Variants in GCAT observed in about 807,000 individuals in gnomAD.
GCAT encodes the protein glycine C-acetyltransferase.
In GCAT, 26 loss-of-function variants were observed where a neutral mutation model predicts 39.7. The observed-to-expected ratio is 0.65, with a 90% CI of 0.48 to 0.91. The LOEUF (loss-of-function observed/expected upper bound fraction) is 0.91, where lower values mean the gene tolerates loss of function less well. GCAT is among the 40% of genes least tolerant of loss of function. The pLI, the probability that GCAT is intolerant of heterozygous loss-of-function variation, is 0.00. For missense variants in GCAT, 550 were observed against 576.2 expected, an observed-to-expected ratio of 0.95 and a Z score of 0.47; for synonymous variants, 218 against 237.2, an observed-to-expected ratio of 0.92 and a Z score of 0.74.
Position 37,816,852 on chromosome 22 carries a change from T to C in GCAT, c.*134T>C. ...AGCTGGGCTGGGACGTGACCTGTGC[T>C]GAGGGCTGTGAGAATGTGAAACAAC... On this transcript the variant is annotated 3_prime_UTR_variant, in exon 9 of 9. Coordinates refer to ENST00000248924, the MANE Select transcript of GCAT (RefSeq NM_014291.4). 2 of 759,734 alleles carry C rather than the reference T, an allele frequency of 2.6e-6. No individual in the cohort carries two copies. Among genetic ancestry groups the C allele is most frequent in the Non-Finnish European group, 4.2e-6 (2 of 471,440 alleles). The allele number at this position is 759,734 out of a possible 1,614,324, so 47.1% of individuals were successfully genotyped here. A position where few individuals can be genotyped will look rare whatever the true frequency, so the allele number is the denominator to read the frequency against.
intron 2 of GCAT, among the ~76,000 whole-genome samples, chr22:37,810,794 C>A (rs904871766): frequency 6.6e-6 from 1 of 152,006 alleles, no homozygotes; most frequent in Non-Finnish European, 1.5e-5. Flanking sequence ...GGATTACAGG[C>A]GTGAGCCACC....
In GCAT at chr22:37,813,682, C is replaced by T. The variant is rs1921862565; in HGVS notation, c.576+73C>T. The stretch of plus-strand genomic sequence containing the variant: ...GTGAGGCTTAGAGAGGCCAACTCCT[C>T]ACTCACAGAGATAGCCTGAAAGTTT... On this transcript the variant is annotated intron_variant, in intron 4 of 8. Coordinates refer to ENST00000248924, the MANE Select transcript of GCAT (RefSeq NM_014291.4). 2.9e-6 allele frequency: 4 copies of T among 1,378,440 alleles called. No individual in the cohort carries two copies. The African/African-American group carries it at 4.3e-5, about 15-fold the overall frequency. 85.4% of individuals were successfully genotyped at this position (1,378,440 alleles called of 1,614,324 possible). A position where few individuals can be genotyped will look rare whatever the true frequency, so the allele number is the denominator to read the frequency against.
intron 3 of GCAT, 52 bp downstream of exon 3, chr22:37,813,040 G>A (rs770575166): frequency 7.9e-7 from 1 of 1,268,492 alleles, no homozygotes; most frequent in Non-Finnish European, 1.2e-6. Context: ...GTTAGGCTGA[G>A]GAAGGCTTGG....
Position 37,816,322 on chromosome 22 carries a change from G to C in GCAT, c.1108+1G>C. The C allele has an allele frequency of 6.2e-7, 1 of 1,610,204 alleles. No individual in the cohort carries two copies. The highest frequency in any genetic ancestry group is 8.5e-7 in the Non-Finnish European group (1 of 1,179,926). ...ATGGCGGATGACATGCTGAAGAGAG[G>C]TAAGGGTGCTGAGACAAGGGAACTG... On this transcript the variant is annotated splice_donor_variant, in intron 8 of 8. Coordinates refer to ENST00000248924, the MANE Select transcript of GCAT (RefSeq NM_014291.4). LOFTEE classifies it high-confidence loss of function.
chr22:37,814,016 C>G (rs538447144), intron 4 of GCAT, among the ~76,000 whole-genome samples: 47 of 151,842 alleles, frequency 3.1e-4, no homozygotes, highest in Non-Finnish European at 6.0e-4. Flanking sequence ...TTTCACCCAC[C>G]TAGGCCTCCC....
Position 37,816,636 on chromosome 22 carries a change from C to T in GCAT, c.1178C>T (p.Ser393Leu). 6.2e-7 allele frequency: 1 copy of T among 1,614,202 alleles called. No individual in the cohort carries two copies. The highest frequency in any genetic ancestry group is 1.1e-5 in the South Asian group (1 of 91,090). ...AAGGCCCGGATCCGGGTACAGATCT[C>T]AGCAGTGCATAGCGAGGAAGACATT... ...KGKARIRVQI[S>L]AVHSEEDIDR... The change falls in exon 9 of 9, where the codon TCA becomes TTA. Residue 393 changes from serine to leucine, a missense_variant. Ser to Leu is a moderately radical substitution (Grantham distance 145, BLOSUM62 -2). Transcript: ENST00000248924.
intron 7 of GCAT, 153 bp downstream of exon 7, chr22:37,815,987 C>T (rs146992872): frequency 3.6e-5 from 17 of 466,978 alleles, no homozygotes; most frequent in Non-Finnish European, 4.2e-5. Flanking sequence ...TCCCCTCTAG[C>T]TTCTGTGTCT....
chr22:37,808,215 G>T, intron 1 of GCAT, 52 bp downstream of exon 1: 3 of 1,376,490 alleles, frequency 2.2e-6, no homozygotes, highest in Non-Finnish European at 2.9e-6. Flanking sequence ...GCTTGCGCTG[G>T]AATGGAGGTC....
Position 37,807,952 on chromosome 22 carries a change from G to C in GCAT, c.-16G>C, listed in dbSNP as rs1161857153. On this transcript the variant is annotated 5_prime_UTR_variant, in exon 1 of 9. Transcript: ENST00000248924. Reference sequence around the variant, plus strand: ...GGCTCCCAGGCAGGCAGGCGCGCTCGGGCGAGGTAGGAGCGATGTGGCCTG... The same window carrying C: ...GGCTCCCAGGCAGGCAGGCGCGCTCCGGCGAGGTAGGAGCGATGTGGCCTG... 7.4e-6 allele frequency: 11 copies of C among 1,478,010 alleles called. No homozygotes were observed. The East Asian group carries it at 1.4e-4, about 19-fold the overall frequency. 91.6% of individuals were successfully genotyped at this position (1,478,010 alleles called of 1,614,324 possible). A position where few individuals can be genotyped will look rare whatever the true frequency, so the allele number is the denominator to read the frequency against.
At chr22:37,815,325 G>A (rs376344528) in intron 5 of GCAT, 45 bp downstream of exon 5, 1 of 1,605,020 alleles carries the variant, frequency 6.2e-7, no homozygotes, top group Non-Finnish European at 8.5e-7. Context: ...GCTTCTGAGG[G>A]TGGCTGGGAA....
intron 2 of GCAT, among the ~76,000 whole-genome samples, chr22:37,811,790 C>T (rs987131709): frequency 6.8e-6 from 1 of 147,368 alleles, no homozygotes; most frequent in Admixed American, 6.9e-5. Context: ...TGGCCGGGCT[C>T]GCTTGAACCC....
intron 4 of GCAT, among the ~76,000 whole-genome samples, chr22:37,814,199 C>T (rs908341212): frequency 1.3e-5 from 2 of 152,196 alleles, no homozygotes; most frequent in African/African-American, 4.8e-5. Context: ...CTTCTGGACT[C>T]GAGCGATCCT....
At chr22:37,813,631 C>T in intron 4 of GCAT, 22 bp downstream of exon 4, 1 of 1,578,310 alleles carries the variant, frequency 6.3e-7, no homozygotes, top group Non-Finnish European at 8.6e-7. Context: ...CCTGGGTCCA[C>T]CCTCAGCCTC....
At chr22:37,809,163 C>G (rs1921296728) in intron 1 of GCAT, among the ~76,000 whole-genome samples, 1 of 152,240 alleles carries the variant, frequency 6.6e-6, no homozygotes, top group Non-Finnish European at 1.5e-5. Flanking sequence ...CCTTCTCTCC[C>G]TCAGGGGAAG....
chr22:37,816,078 T>TG (rs1411368085), intron 7 of GCAT, 122 bp from the exon 8 acceptor site: 42 of 1,258,932 alleles, frequency 3.3e-5, no homozygotes, highest in Middle Eastern at 4.7e-4. Context: ...TCTTAGAGCT[T>TG]GTAACTGTCT....
intron 1 of GCAT, 113 bp downstream of exon 1, chr22:37,808,276 G>A (rs1049849464): frequency 2.8e-5 from 23 of 810,326 alleles, no homozygotes; most frequent in Non-Finnish European, 4.0e-5. Flanking sequence ...GTTCCCCTTC[G>A]CATCTCTCAG....
rs760218686 is a variant in GCAT, at chr22:37,815,644, C to T, written c.815-19C>T. On this transcript the variant is annotated intron_variant, in intron 6 of 8. Transcript: ENST00000248924. Reference sequence around the variant, plus strand: ...GGCCCCTGACCAACCCCTCCCCCCACCTCTTCCCTTCTTCTCAGGGGGCTA... The same window carrying T: ...GGCCCCTGACCAACCCCTCCCCCCATCTCTTCCCTTCTTCTCAGGGGGCTA... The T allele has an allele frequency of 1.4e-5, 22 of 1,586,984 alleles. No individual in the cohort carries two copies. Among genetic ancestry groups the T allele is most frequent in the Non-Finnish European group, 1.6e-5 (19 of 1,157,582 alleles).
chr22:37,807,985 C>G lies in GCAT; in HGVS notation c.18C>G (p.Ala6=). 8 of 1,537,134 alleles carry G rather than the reference C, an allele frequency of 5.2e-6. No individual in the cohort carries two copies. Among genetic ancestry groups the G allele is most frequent in the Non-Finnish European group, 7.0e-6 (8 of 1,143,854 alleles). The change falls in exon 1 of 9, where the codon GCC becomes GCG. Residue 6 remains alanine (A), a synonymous_variant. Transcript: ENST00000248924. ...TAGGAGCGATGTGGCCTGGGAACGC[C>G]TGGCGCGCCGCACTCTTCTGGGTGC... MWPGN[A]WRAALFWVPR... is the part of the protein sequence containing the mutation.
rs1009853703 is a variant in GCAT at position 37,816,828 on chromosome 22, G to A, written c.*110G>A. ...CTGAGCCCTGAACCAAAGTCCCAGA[G>A]CTGGGCTGGGACGTGACCTGTGCTG... On this transcript the variant is annotated 3_prime_UTR_variant, in exon 9 of 9. Coordinates refer to ENST00000248924, the MANE Select transcript of GCAT (RefSeq NM_014291.4). 2.7e-5 allele frequency: 30 copies of A among 1,105,418 alleles called. No individual in the cohort carries two copies. The highest frequency in any genetic ancestry group is 6.6e-6 in the Non-Finnish European group (5 of 755,450). The allele number at this position is 1,105,418 out of a possible 1,614,324, so 68.5% of individuals were successfully genotyped here.
Sources: gnomAD v4.1 joint callset for allele counts (sites outside exome capture counted in the v4.1 genomes callset) on GRCh38, gnomAD v4.1.1 for gene constraint, MANE v1.5 for transcripts, NCBI Gene and HGNC (gene_info 2026-07-23, HGNC 2026-07-21) for gene names.